SH3BP5: variants seen among roughly 807,000 people sequenced by gnomAD.
The protein encoded by SH3BP5 is SH3 domain binding protein 5, also known as SH3 domain-binding protein 5.
Under a neutral mutation model 43.3 loss-of-function variants are expected in SH3BP5, and 22 were observed. That is an observed-to-expected ratio of 0.51 (90% confidence interval 0.36 to 0.73). The LOEUF (loss-of-function observed/expected upper bound fraction) is 0.73. Ranked by LOEUF, SH3BP5 falls within the 30% of genes least tolerant of loss-of-function variation. SH3BP5 has a pLI of 0.00. For synonymous variants in SH3BP5, 255 were observed against 225.8 expected (o/e 1.13, Z -1.16); for missense variants, 529 against 586.9 (o/e 0.90, Z 1.02).
At position 15,274,292 on chromosome 3, in the gene SH3BP5, G is replaced by A. The variant is rs145977019; in HGVS notation, c.331-4415C>T. Among the ~76,000 whole-genome samples the A allele has an allele frequency of 4.4e-3, 664 of 151,966 alleles. 2 individuals carry two copies. Among genetic ancestry groups the A allele is most frequent in the Admixed American group, 9.8e-3 (150 of 15,234 alleles). On this transcript the variant is annotated intron_variant, in intron 3 of 8. Coordinates refer to ENST00000383791, the MANE Select transcript of SH3BP5 (RefSeq NM_004844.5). Reference sequence around the variant, plus strand: ...GAAAGAAAGAAATACCTGAGACTGCGTAATTTATAAAGAAAAGAGGCTTAA... The same window carrying A: ...GAAAGAAAGAAATACCTGAGACTGCATAATTTATAAAGAAAAGAGGCTTAA...
At chr3:15,331,937 G>A (rs906207292) in intron 1 of SH3BP5, 2 of 246,090 alleles carry the variant, frequency 8.1e-6, no homozygotes, top group South Asian at 1.2e-4. Flanking sequence ...GGCCGGGCAG[G>A]GGTACCCCCG....
intron 3 of SH3BP5, among the ~76,000 whole-genome samples, chr3:15,298,415 G>A (rs1486804756): frequency 4.6e-5 from 7 of 152,190 alleles, no homozygotes; most frequent in Admixed American, 4.6e-4. Context: ...GAGGTTATAT[G>A]TAAGACATGG....
Position 15,254,887 on chromosome 3 carries a change from TAAGAC to T in SH3BP5, c.*1194_*1198del, listed in dbSNP as rs1261629762. The stretch of plus-strand genomic sequence containing the variant: ...GCCGTTTTTATTACACTTAGTGTAT[TAAGAC>T]AAGTACAAAATAACCTTGTAATTAA... On this transcript the variant is annotated 3_prime_UTR_variant, in exon 9 of 9. Transcript: ENST00000383791. 2.0e-5 allele frequency: 3 copies of T among 152,204 alleles called. No homozygotes were observed. Among genetic ancestry groups the T allele is most frequent in the African/African-American group, 4.8e-5 (2 of 41,446 alleles). The allele number at this position is 152,204 out of a possible 1,614,324, so 9.4% of individuals were successfully genotyped here. A position where few individuals can be genotyped will look rare whatever the true frequency, so the allele number is the denominator to read the frequency against.
intron 2 of SH3BP5, among the ~76,000 whole-genome samples, chr3:15,327,679 C>T (rs900502043): frequency 8.5e-5 from 13 of 152,256 alleles, no homozygotes; most frequent in African/African-American, 2.7e-4. Flanking sequence ...AGGGCAAGGT[C>T]TTTGTCTTGT....
At chr3:15,259,919 T>A (rs750221755) in intron 5 of SH3BP5, 116 bp from the exon 6 acceptor site, 19 of 898,894 alleles carry the variant, frequency 2.1e-5, no homozygotes, top group Non-Finnish European at 3.1e-5. Context: ...TTCCAATATT[T>A]AGTAAACTCT....
intron 3 of SH3BP5, among the ~76,000 whole-genome samples, chr3:15,288,479 CG>C (rs1056544193): frequency 7.6e-4 from 116 of 152,244 alleles, no homozygotes; most frequent in African/African-American, 2.8e-3. Context: ...TATTTCAGGC[CG>C]GGGGCGGTGG....
chr3:15,262,635 G>A (rs933980435), intron 4 of SH3BP5, among the ~76,000 whole-genome samples: 7 of 149,614 alleles, frequency 4.7e-5, no homozygotes, highest in African/African-American at 1.5e-4. Flanking sequence ...CAGCCTGGGC[G>A]ACAGAGTGAG....
rs369035660 is a variant in SH3BP5, at chr3:15,319,281, T to G, written c.201+11223A>C. Among the ~76,000 whole-genome samples, 4 of 152,350 alleles carry G rather than the reference T, an allele frequency of 2.6e-5. No individual in the cohort carries two copies. The East Asian group carries it at 5.8e-4, about 22-fold the overall frequency. On this transcript the variant is annotated intron_variant, in intron 2 of 8. Coordinates refer to ENST00000383791, the MANE Select transcript of SH3BP5 (RefSeq NM_004844.5). ...TCTTGCCTTTATCGTTGCTGGTTTATTTAAGGTCACTGGGAATACTAACCA... is the reference window on the plus strand; with the variant it reads ...TCTTGCCTTTATCGTTGCTGGTTTAGTTAAGGTCACTGGGAATACTAACCA...
chr3:15,285,591 A>G (rs73146054), intron 3 of SH3BP5, among the ~76,000 whole-genome samples: 3,148 of 152,334 alleles, frequency 0.021, 109 homozygotes, highest in African/African-American at 0.072. Context: ...CGCCATGAAC[A>G]TATCAGGAAT....
upstream of SH3BP5, among the ~76,000 whole-genome samples, chr3:15,334,192 G>A (rs1698673038): frequency 6.6e-6 from 1 of 152,146 alleles, no homozygotes; most frequent in Non-Finnish European, 1.5e-5. Flanking sequence ...TGAGACATAG[G>A]CCAACTGCTC....
intron 2 of SH3BP5, among the ~76,000 whole-genome samples, chr3:15,328,141 A>AC (rs1256750970): frequency 1.3e-5 from 2 of 151,952 alleles, no homozygotes; most frequent in South Asian, 2.1e-4. Flanking sequence ...AGCCCTGGCC[A>AC]CCCCCCTCAC....
At chr3:15,256,614 ACTGTT>A (rs1210353477) in intron 8 of SH3BP5, 6 of 597,618 alleles carry the variant, frequency 1.0e-5, no homozygotes, top group Middle Eastern at 8.9e-4. Flanking sequence ...TGCCAAGGAG[ACTGTT>A]CTGATGTGAG....
intron 3 of SH3BP5, among the ~76,000 whole-genome samples, chr3:15,294,333 G>A (rs1183425620): frequency 9.7e-5 from 11 of 112,844 alleles, no homozygotes; most frequent in African/African-American, 2.1e-4. Context: ...GTGTGTGTGC[G>A]CGCGCATGTT....
chr3:15,259,723 A>C, intron 6 of SH3BP5, 38 bp downstream of exon 6: 1 of 1,606,642 alleles, frequency 6.2e-7, no homozygotes, highest in Non-Finnish European at 8.5e-7. Context: ...TGAGTGCAGA[A>C]AAATCTCATC....
chr3:15,255,835 T>C lies in SH3BP5; in HGVS notation c.*251A>G. 1 of 437,900 alleles carries C rather than the reference T, an allele frequency of 2.3e-6. No individual in the cohort carries two copies. The highest frequency in any genetic ancestry group is 4.1e-6 in the Non-Finnish European group (1 of 244,692). 27.1% of individuals were successfully genotyped at this position (437,900 alleles called of 1,614,324 possible). ...CTAGTTATTGCTTCCACAATGCCGTTATACGGAATGTTCCACAAAGGCTGT... is the reference window on the plus strand; with the variant it reads ...CTAGTTATTGCTTCCACAATGCCGTCATACGGAATGTTCCACAAAGGCTGT... On this transcript the variant is annotated 3_prime_UTR_variant, in exon 9 of 9. Transcript: ENST00000383791.
intron 5 of SH3BP5, 151 bp downstream of exon 5, chr3:15,262,008 G>C (rs1195406159): frequency 3.2e-5 from 25 of 783,110 alleles, no homozygotes; most frequent in Non-Finnish European, 4.8e-5. Context: ...TAGGGGGAAA[G>C]AGAGCCTGAG....
intron 2 of SH3BP5, among the ~76,000 whole-genome samples, chr3:15,320,663 C>A (rs1243218341): frequency 7.3e-6 from 1 of 137,306 alleles, no homozygotes; most frequent in Middle Eastern, 4.3e-3. Flanking sequence ...AAAGTCCCTA[C>A]AACAAATGCT....
intron 3 of SH3BP5, chr3:15,271,721 C>A (rs1696803933): frequency 6.6e-6 from 1 of 152,248 alleles, no homozygotes; most frequent in East Asian, 1.9e-4. Context: ...CTCTCCCCAT[C>A]TTTCCTTTTT....
intron 2 of SH3BP5, among the ~76,000 whole-genome samples, chr3:15,314,128 T>C (rs756607470): frequency 2.0e-5 from 3 of 151,478 alleles, no homozygotes; most frequent in Non-Finnish European, 4.4e-5. Context: ...ATTAACTTAG[T>C]GATTTTTTTT....
Sources: allele counts gnomAD v4.1 joint callset (sites outside exome capture counted in the v4.1 genomes callset), GRCh38; gene constraint gnomAD v4.1.1; transcripts MANE v1.5; gene names NCBI Gene and HGNC (gene_info 2026-07-23, HGNC 2026-07-21).